The following KCTD16 variants were observed in gnomAD, a reference collection of about 807,000 sequenced individuals.
The protein encoded by KCTD16 is BTB/POZ domain-containing protein KCTD16.
A neutral mutation model predicts 33.2 loss-of-function variants in KCTD16; 13 were observed. The ratio of observed to expected loss-of-function variants is 0.39; its 90% CI spans 0.25 to 0.62. The LOEUF (loss-of-function observed/expected upper bound fraction) is 0.62, where lower values mean the gene tolerates loss of function less well. Among genes scored for constraint, KCTD16 ranks in the 20% least tolerant of loss-of-function variants. The pLI is 0.50. For missense variants in KCTD16, 441 were observed against 525.1 expected, an observed-to-expected ratio of 0.84 and a Z score of 1.57; for synonymous variants, 197 against 195.3, an observed-to-expected ratio of 1.01 and a Z score of -0.07.
intron 3 of KCTD16, 69 bp downstream of exon 3, chr5:144,207,615 T>C: frequency 9.0e-7 from 1 of 1,114,908 alleles, no homozygotes; most frequent in South Asian, 1.4e-5. Flanking sequence ...ATGGTCTGTG[T>C]GTTCTCTCCA....
intron 3 of KCTD16, among the ~76,000 whole-genome samples, chr5:144,311,578 T>C (rs1166034272): frequency 6.6e-6 from 1 of 152,184 alleles, no homozygotes; most frequent in Non-Finnish European, 1.5e-5. Flanking sequence ...TGGTTAACAA[T>C]GAAGTCTTTA....
intron 3 of KCTD16, among the ~76,000 whole-genome samples, chr5:144,337,205 G>A (rs568138260): frequency 1.6e-3 from 250 of 151,852 alleles, no homozygotes; most frequent in Non-Finnish European, 2.9e-3. Flanking sequence ...GCATTTTTGC[G>A]TTGCGTGCTG....
intron 3 of KCTD16, among the ~76,000 whole-genome samples, chr5:144,345,002 A>G (rs112579654): frequency 6.6e-6 from 1 of 152,006 alleles, no homozygotes; most frequent in Admixed American, 6.6e-5. Context: ...TGGCACATAT[A>G]CACCATGGAA....
chr5:144,295,298 T>C lies in KCTD16; in HGVS notation c.832+87752T>C, dbSNP rs74833764. On this transcript the variant is annotated intron_variant, in intron 3 of 3. Transcript: ENST00000512467. ...AGTGCCTAGCATACTGCCTGGCATA[T>C]GTAAAGCTCTTGTCTTAGGTAGGGT... 9.8e-3 allele frequency among the ~76,000 whole-genome samples: 1,500 copies of C among 152,318 alleles called. 22 individuals are homozygous for C. The highest frequency in any genetic ancestry group is 0.034 in the African/African-American group (1,405 of 41,576).
chr5:144,432,459 T>G (rs1753485310), intron 3 of KCTD16, among the ~76,000 whole-genome samples: 1 of 152,162 alleles, frequency 6.6e-6, no homozygotes, highest in African/African-American at 2.4e-5. Context: ...TTTTGTAACA[T>G]TTTTAGTAAA....
intron 3 of KCTD16, among the ~76,000 whole-genome samples, chr5:144,344,813 T>G (rs1414984502): frequency 6.7e-6 from 1 of 150,336 alleles, no homozygotes; most frequent in East Asian, 1.9e-4. Flanking sequence ...CTCAGGGATC[T>G]AGAACTAGAA....
At chr5:144,236,429 T>C (rs546707178) in intron 3 of KCTD16, among the ~76,000 whole-genome samples, 17 of 152,208 alleles carry the variant, frequency 1.1e-4, no homozygotes, top group African/African-American at 3.6e-4. Context: ...CCATAGAAAT[T>C]TATGGAACTG....
chr5:144,461,670 T>A (rs1754198774), intron 3 of KCTD16, among the ~76,000 whole-genome samples: 1 of 152,232 alleles, frequency 6.6e-6, no homozygotes, highest in Non-Finnish European at 1.5e-5. Context: ...TGGCTCCTCA[T>A]GTCCTCTTTA....
intron 3 of KCTD16, among the ~76,000 whole-genome samples, chr5:144,344,456 C>G (rs1232449841): frequency 6.7e-6 from 1 of 150,068 alleles, no homozygotes; most frequent in Non-Finnish European, 1.5e-5. Context: ...ACCTACTCAT[C>G]TGACAAAGGG....
chr5:144,392,335 A>C lies in KCTD16; in HGVS notation c.833-81325A>C, dbSNP rs140371143. On this transcript the variant is annotated intron_variant, in intron 3 of 3. Coordinates refer to ENST00000512467, the MANE Select transcript of KCTD16 (RefSeq NM_020768.4). Reference sequence around the variant, plus strand: ...TTGAGTGGCTCAAATAGTGAGTAGAAGGATCTGAGGGCACAGTGGTAGGCA... The same window carrying C: ...TTGAGTGGCTCAAATAGTGAGTAGACGGATCTGAGGGCACAGTGGTAGGCA... Among the ~76,000 whole-genome samples the C allele has an allele frequency of 2.0e-4, 31 of 152,338 alleles. 1 individual carries two copies. In the East Asian group the frequency reaches 6.0e-3, roughly 29 times the overall value.
intron 3 of KCTD16, among the ~76,000 whole-genome samples, chr5:144,353,326 A>G (rs1751490256): frequency 6.6e-6 from 1 of 152,270 alleles, no homozygotes; most frequent in East Asian, 1.9e-4. Flanking sequence ...GTACATTTAT[A>G]CTATTTCTCT....
At position 144,474,699 on chromosome 5, in the gene KCTD16, G is replaced by A. The variant is rs1439332234; in HGVS notation, c.*585G>A. On this transcript the variant is annotated 3_prime_UTR_variant, in exon 4 of 4. Coordinates refer to ENST00000512467, the MANE Select transcript of KCTD16 (RefSeq NM_020768.4). ...TATACACATGACGCACACGATGCCA[G>A]GGCCTAGACCTCCCAAGGGCTGTGC... 6.5e-6 allele frequency: 1 copy of A among 152,998 alleles called. No homozygotes were observed. The highest frequency in any genetic ancestry group is 1.5e-5 in the Non-Finnish European group (1 of 68,396). 9.5% of individuals were successfully genotyped at this position (152,998 alleles called of 1,614,324 possible).
intron 3 of KCTD16, among the ~76,000 whole-genome samples, chr5:144,274,508 A>T (rs559924118): frequency 4.6e-5 from 7 of 152,286 alleles, no homozygotes; most frequent in Admixed American, 4.6e-4. Flanking sequence ...TTTAGACCTA[A>T]TCAGTATTTC....
chr5:144,221,991 T>C (rs1230520706), intron 3 of KCTD16, among the ~76,000 whole-genome samples: 1 of 152,256 alleles, frequency 6.6e-6, no homozygotes, highest in Non-Finnish European at 1.5e-5. Context: ...TCATTGTGGT[T>C]TTGATTTGCA....
At chr5:144,260,691 C>G (rs942556946) in intron 3 of KCTD16, among the ~76,000 whole-genome samples, 1 of 152,038 alleles carries the variant, frequency 6.6e-6, no homozygotes, top group African/African-American at 2.4e-5. Flanking sequence ...TGGGCAGAAT[C>G]GCAAGTGTAT....
intron 3 of KCTD16, among the ~76,000 whole-genome samples, chr5:144,244,268 G>A (rs1486463578): frequency 6.6e-6 from 1 of 152,170 alleles, no homozygotes; most frequent in Non-Finnish European, 1.5e-5. Flanking sequence ...TCTATAAGAT[G>A]CTTGATTATG....
At chr5:144,273,945 G>A (rs892402931) in intron 3 of KCTD16, among the ~76,000 whole-genome samples, 3 of 150,786 alleles carry the variant, frequency 2.0e-5, no homozygotes, top group Non-Finnish European at 3.0e-5. Context: ...TTTATGTTAT[G>A]TGTATTAAAA....
chr5:144,246,411 A>G (rs772190852), intron 3 of KCTD16, among the ~76,000 whole-genome samples: 4 of 152,246 alleles, frequency 2.6e-5, no homozygotes, highest in Non-Finnish European at 5.9e-5. Flanking sequence ...ACATCTGATA[A>G]ACATTTATTT....
intron 3 of KCTD16, among the ~76,000 whole-genome samples, chr5:144,441,764 C>T (rs1306780091): frequency 7.0e-6 from 1 of 141,954 alleles, no homozygotes; most frequent in East Asian, 2.0e-4. Context: ...TATGAGTTCT[C>T]TAAATTTGTT....
Sources: gnomAD v4.1 joint callset for allele counts (sites outside exome capture counted in the v4.1 genomes callset) on GRCh38, gnomAD v4.1.1 for gene constraint, MANE v1.5 for transcripts, NCBI Gene and HGNC (gene_info 2026-07-23, HGNC 2026-07-21) for gene names.